Variants in NEGR1 observed in about 807,000 individuals in gnomAD.
NEGR1 encodes the protein neuronal growth regulator 1.
In NEGR1, 10 loss-of-function variants were observed where a neutral mutation model predicts 40.9. That is an observed-to-expected ratio of 0.24 (90% CI 0.15 to 0.42). The LOEUF (loss-of-function observed/expected upper bound fraction) is 0.42. Ranked by LOEUF, NEGR1 falls within the 10% of genes least tolerant of loss-of-function variation. The pLI is 1.00. For synonymous variants in NEGR1, 185 were observed against 166.8 expected, an observed-to-expected ratio of 1.11 and a Z score of -0.84; for missense variants, 352 against 438.9, an observed-to-expected ratio of 0.80 and a Z score of 1.77.
At chr1:71,488,918 T>A (rs1179596091) in intron 6 of NEGR1, among the ~76,000 whole-genome samples, 1 of 151,844 alleles carries the variant, frequency 6.6e-6, no homozygotes, top group East Asian at 1.9e-4. Context: ...CGACCTAGAC[T>A]TGAAAACTGG....
At chr1:71,976,401 A>G (rs370339619) in intron 1 of NEGR1, among the ~76,000 whole-genome samples, 2 of 152,298 alleles carry the variant, frequency 1.3e-5, no homozygotes, top group Admixed American at 6.5e-5. Flanking sequence ...TTTCAGTGCT[A>G]TTGTTTTATT....
intron 4 of NEGR1, among the ~76,000 whole-genome samples, chr1:71,691,428 C>A (rs1243906597): frequency 6.6e-6 from 1 of 150,862 alleles, no homozygotes; most frequent in Non-Finnish European, 1.5e-5. Context: ...ATTTAATGTT[C>A]AGTTCTTTTA....
intron 1 of NEGR1, among the ~76,000 whole-genome samples, chr1:72,144,727 G>T (rs1650843670): frequency 6.6e-6 from 1 of 152,050 alleles, no homozygotes; most frequent in African/African-American, 2.4e-5. Context: ...GAAGTGTAGT[G>T]TGGAACAGGG....
chr1:71,462,480 C>T (rs935837595), intron 6 of NEGR1, among the ~76,000 whole-genome samples: 2 of 152,170 alleles, frequency 1.3e-5, no homozygotes, highest in Admixed American at 1.3e-4. Context: ...CAGGACCTTG[C>T]CCAGCAGGAT....
intron 6 of NEGR1, among the ~76,000 whole-genome samples, chr1:71,525,938 T>C (rs1050557635): frequency 2.6e-5 from 4 of 151,588 alleles, no homozygotes; most frequent in African/African-American, 9.7e-5. Context: ...TTTAGTGGCA[T>C]GTTACTTTGA....
Position 72,039,771 on chromosome 1 carries a change from C to A in NEGR1, c.177-104460G>T, listed in dbSNP as rs150498830. Among the ~76,000 whole-genome samples the A allele has an allele frequency of 1.0e-3, 153 of 151,928 alleles. 2 individuals are homozygous for A. The East Asian group carries it at 0.027, about 26-fold the overall frequency. On this transcript the variant is annotated intron_variant, in intron 1 of 6. Coordinates refer to ENST00000357731, the MANE Select transcript of NEGR1 (RefSeq NM_173808.3). Reference sequence around the variant, plus strand: ...TTAAGTGCAAATACCAATAGCATGCCAAGAATGTGGCGAGAAGGGCTGCAG... The same window carrying A: ...TTAAGTGCAAATACCAATAGCATGCAAAGAATGTGGCGAGAAGGGCTGCAG...
intron 6 of NEGR1, among the ~76,000 whole-genome samples, chr1:71,435,014 C>T (rs1056847677): frequency 1.3e-5 from 2 of 151,974 alleles, no homozygotes; most frequent in Non-Finnish European, 2.9e-5. Flanking sequence ...TGGCGTGAAC[C>T]TGGGAGGCAG....
At chr1:72,193,470 G>A (rs1652894236) in intron 1 of NEGR1, among the ~76,000 whole-genome samples, 1 of 151,638 alleles carries the variant, frequency 6.6e-6, no homozygotes, top group South Asian at 2.1e-4. Flanking sequence ...GCATTATAAA[G>A]CTAATTATAA....
intron 6 of NEGR1, among the ~76,000 whole-genome samples, chr1:71,495,476 CGG>C (rs1646956608): frequency 1.1e-5 from 1 of 88,892 alleles, no homozygotes. Flanking sequence ...GACTCCATCT[CGG>C]AAAAAAAAAA....
At position 71,819,504 on chromosome 1, in the gene NEGR1, G is replaced by T. The variant is rs140524673; in HGVS notation, c.410-43207C>A. ...ATCATAGAATAAGAAAGAGCTCTTG[G>T]AAATTAAGCAAGTATTTACTAAAAC... On this transcript the variant is annotated intron_variant, in intron 2 of 6. Transcript: ENST00000357731. Among the ~76,000 whole-genome samples the T allele has an allele frequency of 7.0e-3, 1,065 of 151,956 alleles. 8 individuals carry two copies. In the Middle Eastern group the frequency reaches 0.088, roughly 13 times the overall value.
intron 1 of NEGR1, among the ~76,000 whole-genome samples, chr1:72,254,444 T>C (rs904865453): frequency 1.3e-5 from 2 of 152,152 alleles, no homozygotes; most frequent in African/African-American, 4.8e-5. Flanking sequence ...GGCTCACGCC[T>C]GTGATCCCAG....
chr1:71,622,764 A>C (rs902186613), intron 4 of NEGR1, among the ~76,000 whole-genome samples: 1 of 151,804 alleles, frequency 6.6e-6, no homozygotes, highest in African/African-American at 2.4e-5. Context: ...ATAGATGAGG[A>C]TAGCATTGGT....
intron 4 of NEGR1, among the ~76,000 whole-genome samples, chr1:71,648,508 T>A (rs1340315863): frequency 1.3e-5 from 2 of 152,040 alleles, no homozygotes; most frequent in Non-Finnish European, 2.9e-5. Flanking sequence ...CTCAAGATGT[T>A]TCCATCTTGT....
At chr1:71,484,008 T>C (rs939462273) in intron 6 of NEGR1, among the ~76,000 whole-genome samples, 1 of 151,770 alleles carries the variant, frequency 6.6e-6, no homozygotes, top group Non-Finnish European at 1.5e-5. Flanking sequence ...TGGTATGCCC[T>C]TGAGGAGTAT....
At chr1:72,019,039 C>T (rs906841944) in intron 1 of NEGR1, among the ~76,000 whole-genome samples, 6 of 151,834 alleles carry the variant, frequency 4.0e-5, no homozygotes, top group Admixed American at 1.3e-4. Context: ...ACATATGATT[C>T]GATATGTATT....
At chr1:71,944,909 T>G (rs1230775551) in intron 1 of NEGR1, among the ~76,000 whole-genome samples, 2 of 152,142 alleles carry the variant, frequency 1.3e-5, no homozygotes, top group African/African-American at 4.8e-5. Flanking sequence ...CTCGAGAAAA[T>G]GGACTAAACC....
chr1:71,770,639 TA>T (rs1437627486), intron 3 of NEGR1, among the ~76,000 whole-genome samples: 1 of 152,186 alleles, frequency 6.6e-6, no homozygotes, highest in Non-Finnish European at 1.5e-5. Context: ...GTTCATGTCA[TA>T]AGGACACAGG....
intron 6 of NEGR1, among the ~76,000 whole-genome samples, chr1:71,590,176 A>G (rs929836971): frequency 2.0e-5 from 3 of 152,014 alleles, no homozygotes; most frequent in Non-Finnish European, 4.4e-5. Flanking sequence ...TGAGTTGATC[A>G]TTCTCTTTTT....
intron 6 of NEGR1, among the ~76,000 whole-genome samples, chr1:71,462,515 T>A (rs1428816462): frequency 6.6e-6 from 1 of 151,562 alleles, no homozygotes; most frequent in Non-Finnish European, 1.5e-5. Flanking sequence ...CTGGTGACTG[T>A]GAGCATCAGG....
Sources: allele counts gnomAD v4.1 joint callset (sites outside exome capture counted in the v4.1 genomes callset), GRCh38; gene constraint gnomAD v4.1.1; transcripts MANE v1.5; gene names NCBI Gene and HGNC (gene_info 2026-07-23, HGNC 2026-07-21).